MARCHF1: variants seen among roughly 807,000 people sequenced by gnomAD.
The protein encoded by MARCHF1 is membrane associated ring-CH-type finger 1.
A neutral mutation model predicts 54.2 loss-of-function variants in MARCHF1; 40 were observed. The ratio of observed to expected loss-of-function variants is 0.74; its 90% CI spans 0.57 to 0.96. The LOEUF is 0.96. Among genes scored for constraint, MARCHF1 ranks in the 40% least tolerant of loss-of-function variants. The pLI is 0.00. For missense variants in MARCHF1, 586 were observed against 656.5 expected, an observed-to-expected ratio of 0.89 and a Z score of 1.17; for synonymous variants, 236 against 236.3, an observed-to-expected ratio of 1.00 and a Z score of 0.01.
intron 8 of MARCHF1, among the ~76,000 whole-genome samples, chr4:163,570,283 C>T (rs1739798135): frequency 6.6e-6 from 1 of 151,954 alleles, no homozygotes; most frequent in Admixed American, 6.6e-5. Flanking sequence ...TTGGTAAGAA[C>T]AAAACAGTGA....
intron 2 of MARCHF1, among the ~76,000 whole-genome samples, chr4:164,059,404 T>G (rs888901712): frequency 1.3e-5 from 2 of 152,130 alleles, no homozygotes; most frequent in African/African-American, 4.8e-5. Flanking sequence ...TTGACGTAAA[T>G]CTAAGTTTTG....
At chr4:163,940,249 T>C (rs1751885032) in intron 3 of MARCHF1, among the ~76,000 whole-genome samples, 1 of 152,162 alleles carries the variant, frequency 6.6e-6, no homozygotes, top group Non-Finnish European at 1.5e-5. Flanking sequence ...TGTTCTATTA[T>C]ATAATGGCAG....
intron 2 of MARCHF1, among the ~76,000 whole-genome samples, chr4:164,075,208 T>C (rs188566664): frequency 3.7e-4 from 56 of 152,294 alleles, no homozygotes; most frequent in Admixed American, 2.2e-3. Flanking sequence ...ACTGACAAGA[T>C]AGTAAGAAAT....
intron 1 of MARCHF1, among the ~76,000 whole-genome samples, chr4:164,250,753 T>C (rs1271485287): frequency 6.6e-6 from 1 of 151,988 alleles, no homozygotes; most frequent in Admixed American, 6.6e-5. Flanking sequence ...AAAAATAAGA[T>C]GATAAGATAT....
chr4:164,339,370 A>G (rs188525593), intron 1 of MARCHF1, among the ~76,000 whole-genome samples: 1 of 152,358 alleles, frequency 6.6e-6, no homozygotes, highest in African/African-American at 2.4e-5. Context: ...TAGAATAATA[A>G]TTATCTTTTC....
intron 5 of MARCHF1, among the ~76,000 whole-genome samples, chr4:163,626,745 G>A (rs1365261760): frequency 6.6e-6 from 1 of 152,100 alleles, no homozygotes; most frequent in East Asian, 1.9e-4. Flanking sequence ...TGGCCAACAT[G>A]GTGAAACCCC....
At chr4:164,245,610 C>G (rs1367515753) in intron 1 of MARCHF1, among the ~76,000 whole-genome samples, 2 of 151,720 alleles carry the variant, frequency 1.3e-5, no homozygotes, top group African/African-American at 4.8e-5. Flanking sequence ...GGCAATCAGG[C>G]AGGAGAAGGA....
intron 8 of MARCHF1, among the ~76,000 whole-genome samples, chr4:163,573,298 A>C (rs894695272): frequency 2.1e-5 from 1 of 48,760 alleles, no homozygotes; most frequent in African/African-American, 1.8e-4. Flanking sequence ...TTTTTCTCTT[A>C]TTATTATTAT....
chr4:163,580,291 G>A (rs1035734765), intron 8 of MARCHF1, among the ~76,000 whole-genome samples: 1 of 151,954 alleles, frequency 6.6e-6, no homozygotes, highest in Non-Finnish European at 1.5e-5. Flanking sequence ...TGGTGGCCAG[G>A]CTGGTCTCGG....
intron 1 of MARCHF1, among the ~76,000 whole-genome samples, chr4:164,176,972 CTCTCTCTCTATATATATATATATA>C (rs1235384785): frequency 4.8e-4 from 27 of 56,818 alleles, no homozygotes; most frequent in African/African-American, 2.3e-3. Flanking sequence ...CTCTCTCTCT[CTCTCTCTCTATATATATATATATA>C]TATATATATA....
rs868584852 is a variant in MARCHF1, at chr4:164,251,805, G to A, written c.-323+132065C>T. ...CTAATAAATTAAAATCTCAATGGGT[G>A]GAAATAAAACTAGAAACAAAAAGGA... On this transcript the variant is annotated intron_variant, in intron 1 of 9. Transcript: ENST00000514618. Among the ~76,000 whole-genome samples the A allele has an allele frequency of 4.6e-5, 7 of 151,696 alleles. No homozygotes were observed. The South Asian group carries it at 6.2e-4, about 14-fold the overall frequency.
intron 8 of MARCHF1, among the ~76,000 whole-genome samples, chr4:163,548,131 CGT>C (rs1160388853): frequency 1.3e-5 from 2 of 151,844 alleles, no homozygotes; most frequent in African/African-American, 4.8e-5. Flanking sequence ...GGTTTATTGT[CGT>C]ATTAATCTGA....
At position 164,379,332 on chromosome 4, in the gene MARCHF1, A is replaced by G. The variant is rs185613297; in HGVS notation, c.-323+4538T>C. 2.6e-3 allele frequency among the ~76,000 whole-genome samples: 401 copies of G among 152,270 alleles called. 2 individuals are homozygous for G. Among genetic ancestry groups the G allele is most frequent in the Non-Finnish European group, 3.4e-3 (232 of 68,016 alleles). ...AATACTCAAACAAGCACAGAGAGAA[A>G]AAAAAAGTAGAAAATAGTAAAACAA... On this transcript the variant is annotated intron_variant, in intron 1 of 9. Coordinates refer to ENST00000514618, the MANE Select transcript of MARCHF1 (RefSeq NM_001394959.1).
intron 5 of MARCHF1, among the ~76,000 whole-genome samples, chr4:163,698,452 TCA>T: frequency 6.6e-6 from 1 of 152,322 alleles, no homozygotes; most frequent in Non-Finnish European, 1.5e-5. Context: ...ATAGGTAAAC[TCA>T]TGTGCACTGA....
At chr4:163,991,486 A>C (rs79214028) in intron 2 of MARCHF1, among the ~76,000 whole-genome samples, 2,453 of 152,206 alleles carry the variant, frequency 0.016, 55 homozygotes, top group African/African-American at 0.052. Flanking sequence ...GGGGTGACTC[A>C]TTATGTAACA....
intron 1 of MARCHF1, among the ~76,000 whole-genome samples, chr4:164,128,077 A>T (rs1463450333): frequency 6.6e-6 from 1 of 152,190 alleles, no homozygotes; most frequent in Non-Finnish European, 1.5e-5. Context: ...TAAAACAAAA[A>T]TGTGAGGATA....
intron 1 of MARCHF1, among the ~76,000 whole-genome samples, chr4:164,188,023 T>C (rs1020347600): frequency 5.3e-5 from 8 of 152,172 alleles, no homozygotes; most frequent in African/African-American, 1.9e-4. Context: ...AGTGTTTTCT[T>C]ATAATTTTCC....
chr4:163,590,765 T>A (rs370657206), intron 7 of MARCHF1, among the ~76,000 whole-genome samples: 1 of 152,228 alleles, frequency 6.6e-6, no homozygotes, highest in African/African-American at 2.4e-5. Context: ...TCTTGATTCC[T>A]GTTAGCTTAG....
intron 4 of MARCHF1, among the ~76,000 whole-genome samples, chr4:163,843,367 T>C (rs1014696290): frequency 3.9e-5 from 6 of 152,104 alleles, no homozygotes; most frequent in Admixed American, 3.9e-4. Context: ...TATTTTTCTT[T>C]GGATATATAC....
Sources: allele counts gnomAD v4.1 joint callset (sites outside exome capture counted in the v4.1 genomes callset), GRCh38; gene constraint gnomAD v4.1.1; transcripts MANE v1.5; gene names NCBI Gene and HGNC (gene_info 2026-07-23, HGNC 2026-07-21).